The following HDAC4 variants were observed in gnomAD, a reference collection of about 807,000 sequenced individuals.
HDAC4 encodes the protein histone deacetylase A.
In HDAC4, 16 loss-of-function variants were observed where a neutral mutation model predicts 135.1. That is an observed-to-expected ratio of 0.12 (90% CI 0.08 to 0.18). HDAC4 has a LOEUF of 0.18. Among genes scored for constraint, HDAC4 ranks in the 10% least tolerant of loss-of-function variants. The pLI is 1.00. For missense variants in HDAC4, 1,143 were observed against 1,511.8 expected (o/e 0.76, Z 4.05); for synonymous variants, 685 against 653.4 (o/e 1.05, Z -0.74).
In HDAC4 at chr2:239,053,478, A is replaced by C; in HGVS notation, c.3212T>G (p.Val1071Gly). The C allele has an allele frequency of 6.2e-7, 1 of 1,613,308 alleles. No homozygotes were observed. Among genetic ancestry groups the C allele is most frequent in the Non-Finnish European group, 8.5e-7 (1 of 1,179,730 alleles). The change falls in exon 26 of 27, where the codon GTG (valine) becomes GGG (glycine). Residue 1071 changes from valine to glycine, a missense_variant. Around this residue, in one of 9 missense-constraint regions of HDAC4, gnomAD observed 131 missense variants for 130.6 expected, o/e 1.00. Coordinates refer to ENST00000543185, the MANE Select transcript of HDAC4 (RefSeq NM_001378414.1). ...TGCTCACCTCTTTTCGGCGGGCTTC[A>C]CGCCCACGGACAGCGAGGCCATGGC... ...VTAMASLSVGVKPAEKRPDEE... is the reference protein window; with the variant it reads ...VTAMASLSVGGKPAEKRPDEE...
intron 4 of HDAC4, among the ~76,000 whole-genome samples, chr2:239,177,592 G>T (rs1450789650): frequency 1.3e-5 from 2 of 152,130 alleles, no homozygotes; most frequent in Non-Finnish European, 2.9e-5. Flanking sequence ...CACCCTTAAG[G>T]GCTGGCATTC....
chr2:239,227,395 T>C (rs1482296153), intron 3 of HDAC4, among the ~76,000 whole-genome samples: 1 of 151,962 alleles, frequency 6.6e-6, no homozygotes. Context: ...CCCAGTGAGG[T>C]CACAGGGGCT....
chr2:239,057,395 C>T (rs1286177847), intron 24 of HDAC4, among the ~76,000 whole-genome samples: 1 of 152,076 alleles, frequency 6.6e-6, no homozygotes, highest in East Asian at 1.9e-4. Context: ...GATTTATGAA[C>T]GTGACATGGA....
intron 2 of HDAC4, among the ~76,000 whole-genome samples, chr2:239,286,382 C>G (rs778590035): frequency 1.3e-5 from 2 of 152,096 alleles, no homozygotes; most frequent in Non-Finnish European, 2.9e-5. Context: ...AAGAAATCAG[C>G]TGAGCAGAGG....
intron 16 of HDAC4, among the ~76,000 whole-genome samples, chr2:239,097,436 C>T (rs1234484784): frequency 6.6e-6 from 1 of 152,246 alleles, no homozygotes; most frequent in Non-Finnish European, 1.5e-5. Context: ...AGTCGTGGCT[C>T]CTGACCCTGG....
chr2:239,276,106 C>A (rs565447887), intron 2 of HDAC4, among the ~76,000 whole-genome samples: 8 of 152,254 alleles, frequency 5.3e-5, no homozygotes, highest in Admixed American at 2.6e-4. Flanking sequence ...GGGAGGACTG[C>A]GCAGGGACCT....
At chr2:239,335,665 T>C (rs1184080832) in intron 2 of HDAC4, among the ~76,000 whole-genome samples, 2 of 152,126 alleles carry the variant, frequency 1.3e-5, no homozygotes, top group Admixed American at 6.5e-5. Context: ...ATTTCTTAAA[T>C]GAATAGAAAC....
chr2:239,126,955 G>A (rs1176705113), intron 11 of HDAC4, among the ~76,000 whole-genome samples: 2 of 152,202 alleles, frequency 1.3e-5, no homozygotes, highest in African/African-American at 4.8e-5. Context: ...GAAACGTCAG[G>A]AGTCCTGTGT....
At chr2:239,258,893 TA>T (rs1452739204) in intron 2 of HDAC4, among the ~76,000 whole-genome samples, 2 of 152,022 alleles carry the variant, frequency 1.3e-5, no homozygotes, top group Non-Finnish European at 1.5e-5. Flanking sequence ...GAACATAAAC[TA>T]AAAAAATTCC....
In HDAC4 at chr2:239,125,544, T is replaced by G. The variant is rs148584479; in HGVS notation, c.1533+912A>C. Among the ~76,000 whole-genome samples the G allele has an allele frequency of 7.2e-5, 11 of 152,318 alleles. No individual in the cohort carries two copies. The East Asian group carries it at 2.1e-3, about 29-fold the overall frequency. ...AAACAGGGACTCAGGTTGCTGTGAA[T>G]GCCTGAGTGAGTTTACGTGTAGATG... On this transcript the variant is annotated intron_variant, in intron 12 of 26. Transcript: ENST00000543185.
At chr2:239,326,803 T>C (rs2053481446) in intron 2 of HDAC4, among the ~76,000 whole-genome samples, 1 of 152,216 alleles carries the variant, frequency 6.6e-6, no homozygotes, top group South Asian at 2.1e-4. Context: ...AGCCAGCAGC[T>C]GGCTGCTTCT....
intron 2 of HDAC4, among the ~76,000 whole-genome samples, chr2:239,297,637 C>A (rs2051989490): frequency 6.6e-6 from 1 of 152,162 alleles, no homozygotes; most frequent in Admixed American, 6.5e-5. Flanking sequence ...CCTGGGGATG[C>A]CAGGCCCCAA....
chr2:239,199,702 G>A (rs2045634120), intron 3 of HDAC4, among the ~76,000 whole-genome samples: 1 of 151,440 alleles, frequency 6.6e-6, no homozygotes, highest in Middle Eastern at 3.4e-3. Context: ...GCCCTGTTCT[G>A]CTACCAGATG....
intron 1 of HDAC4, among the ~76,000 whole-genome samples, chr2:239,379,483 T>A (rs547703697): frequency 6.6e-6 from 1 of 152,198 alleles, no homozygotes; most frequent in South Asian, 2.1e-4. Context: ...CCCAGCCCCA[T>A]CAAGGTCTGC....
intron 2 of HDAC4, among the ~76,000 whole-genome samples, chr2:239,261,440 G>C (rs372427642): frequency 2.7e-3 from 412 of 152,282 alleles, no homozygotes; most frequent in African/African-American, 9.6e-3. Flanking sequence ...AACCGTGGCA[G>C]GCCTGGGCTC....
intron 2 of HDAC4, among the ~76,000 whole-genome samples, chr2:239,316,261 T>C (rs2053110006): frequency 6.6e-6 from 1 of 152,218 alleles, no homozygotes; most frequent in South Asian, 2.1e-4. Flanking sequence ...TGATATAATC[T>C]ACTTATCTTT....
chr2:239,116,632 C>T (rs1203333401), intron 12 of HDAC4, among the ~76,000 whole-genome samples: 6 of 152,234 alleles, frequency 3.9e-5, no homozygotes, highest in East Asian at 1.9e-4. Context: ...CGCTTTCAAA[C>T]GGGCCAGTGG....
At chr2:239,223,999 G>A (rs1413593833) in intron 3 of HDAC4, among the ~76,000 whole-genome samples, 3 of 151,980 alleles carry the variant, frequency 2.0e-5, no homozygotes, top group Admixed American at 1.3e-4. Flanking sequence ...GCGCAGGCTC[G>A]CCAACGCCTA....
chr2:239,310,860 T>C (rs1408341866), intron 2 of HDAC4, among the ~76,000 whole-genome samples: 3 of 152,188 alleles, frequency 2.0e-5, no homozygotes, highest in Non-Finnish European at 4.4e-5. Flanking sequence ...GCCTGACACC[T>C]GGATCTCTGC....
Sources: allele counts gnomAD v4.1 joint callset (sites outside exome capture counted in the v4.1 genomes callset), GRCh38; gene constraint gnomAD v4.1.1; regional missense constraint gnomAD v4.1.1; transcripts MANE v1.5; gene names NCBI Gene and HGNC (gene_info 2026-07-23, HGNC 2026-07-21).